The following DNM3 variants were observed in gnomAD, a reference collection of about 807,000 sequenced individuals.
DNM3 encodes dynamin-3.
Under a neutral mutation model 101.6 loss-of-function variants are expected in DNM3, and 47 were observed. The observed-to-expected ratio is 0.46, with a 90% CI of 0.37 to 0.59. The LOEUF is 0.59. Ranked by LOEUF, DNM3 falls within the 20% of genes least tolerant of loss-of-function variation. The pLI is 0.00. For synonymous variants in DNM3, 385 were observed against 387.9 expected, an observed-to-expected ratio of 0.99 and a Z score of 0.09; for missense variants, 849 against 1,085.7, an observed-to-expected ratio of 0.78 and a Z score of 3.06.
chr1:172,225,134 CTTTTTTTTTTTTTT>C (rs1168334078), intron 14 of DNM3, among the ~76,000 whole-genome samples: 1 of 65,520 alleles, frequency 1.5e-5, no homozygotes, highest in Non-Finnish European at 2.7e-5. Context: ...TCTTCTTCCT[CTTTTTTTTTTTTTT>C]TTTTTTTTTT....
chr1:172,346,064 A>G (rs1377248628), intron 17 of DNM3, among the ~76,000 whole-genome samples: 1 of 146,942 alleles, frequency 6.8e-6, no homozygotes, highest in East Asian at 2.0e-4. Flanking sequence ...CGGAGCTTGC[A>G]GTGAGCCGAG....
At chr1:172,404,634 A>G (rs2070749104) in intron 20 of DNM3, among the ~76,000 whole-genome samples, 1 of 152,080 alleles carries the variant, frequency 6.6e-6, no homozygotes, top group South Asian at 2.1e-4. Flanking sequence ...CCATCATTTA[A>G]GTTCCAATTT....
intron 20 of DNM3, among the ~76,000 whole-genome samples, chr1:172,392,136 G>A (rs2069577933): frequency 6.6e-6 from 1 of 152,152 alleles, no homozygotes; most frequent in Non-Finnish European, 1.5e-5. Flanking sequence ...GCTTTTCTCA[G>A]CTGCTCAAGC....
chr1:171,965,876 G>A (rs1027870473), intron 2 of DNM3, among the ~76,000 whole-genome samples: 1 of 152,142 alleles, frequency 6.6e-6, no homozygotes, highest in African/African-American at 2.4e-5. Context: ...TTCTAGTCAT[G>A]TAGTTGGATT....
chr1:171,923,491 C>G (rs2125329862), intron 2 of DNM3, among the ~76,000 whole-genome samples: 1 of 151,588 alleles, frequency 6.6e-6, no homozygotes, highest in South Asian at 2.1e-4. Flanking sequence ...CTTTGAAGCA[C>G]AAGATTTTTT....
intron 14 of DNM3, among the ~76,000 whole-genome samples, chr1:172,148,891 C>G (rs2148216600): frequency 1.3e-5 from 2 of 152,146 alleles, no homozygotes; most frequent in East Asian, 3.9e-4. Flanking sequence ...CTTCCCTTTC[C>G]TGAATCACAA....
intron 16 of DNM3, among the ~76,000 whole-genome samples, chr1:172,318,014 C>A (rs930048536): frequency 2.6e-5 from 4 of 152,182 alleles, no homozygotes; most frequent in Admixed American, 2.0e-4. Flanking sequence ...CTGAATCCAG[C>A]AGCACATCAA....
intron 13 of DNM3, among the ~76,000 whole-genome samples, chr1:172,118,311 C>T (rs1271075416): frequency 6.6e-6 from 1 of 152,094 alleles, no homozygotes; most frequent in Non-Finnish European, 1.5e-5. Flanking sequence ...TACTCTTTTT[C>T]AGAGGTATGA....
intron 13 of DNM3, among the ~76,000 whole-genome samples, chr1:172,130,778 G>C (rs556175458): frequency 2.0e-5 from 3 of 152,126 alleles, no homozygotes; most frequent in African/African-American, 7.2e-5. Flanking sequence ...CAAACAAATG[G>C]GCCAGTAGGC....
At chr1:171,874,063 T>G (rs1167903719) in intron 1 of DNM3, among the ~76,000 whole-genome samples, 1 of 152,230 alleles carries the variant, frequency 6.6e-6, no homozygotes, top group African/African-American at 2.4e-5. Flanking sequence ...AGTTCTTTCC[T>G]TGAAACTCAT....
chr1:172,350,889 T>A (rs1435491064), intron 17 of DNM3, among the ~76,000 whole-genome samples: 15 of 152,146 alleles, frequency 9.9e-5, no homozygotes, highest in Non-Finnish European at 1.5e-5. Context: ...AATAGAATTA[T>A]CCAAAATGGA....
intron 17 of DNM3, among the ~76,000 whole-genome samples, chr1:172,360,659 T>A (rs531983437): frequency 6.6e-6 from 1 of 152,140 alleles, no homozygotes; most frequent in South Asian, 2.1e-4. Flanking sequence ...AGCTCCCCTC[T>A]GGATCATGCA....
intron 1 of DNM3, among the ~76,000 whole-genome samples, chr1:171,856,977 G>A (rs1336260743): frequency 6.6e-6 from 1 of 152,208 alleles, no homozygotes; most frequent in African/African-American, 2.4e-5. Flanking sequence ...AGATCGAGAT[G>A]AAGCCAGACG....
chr1:172,400,369 A>G (rs1224316193), intron 20 of DNM3, among the ~76,000 whole-genome samples: 2 of 152,024 alleles, frequency 1.3e-5, no homozygotes, highest in Admixed American at 6.6e-5. Context: ...AGGTCTCTTT[A>G]GGAATAAGAG....
chr1:172,122,465 A>G (rs942128640), intron 13 of DNM3, among the ~76,000 whole-genome samples: 3 of 152,172 alleles, frequency 2.0e-5, no homozygotes, highest in Non-Finnish European at 4.4e-5. Context: ...CCAGGCAGCA[A>G]CTATTGAAAC....
chr1:172,289,989 C>T, intron 15 of DNM3: 2 of 914,488 alleles, frequency 2.2e-6, no homozygotes, highest in Non-Finnish European at 1.3e-6. Context: ...ATATTATTGA[C>T]ATCATAGGTT....
chr1:172,323,217 C>CATG, intron 16 of DNM3, 112 bp from the exon 17 acceptor site: 1 of 1,183,572 alleles, frequency 8.4e-7, no homozygotes, highest in Non-Finnish European at 1.2e-6. Flanking sequence ...AGAAAAACCT[C>CATG]ATTTTATTTT....
At chr1:172,316,511 A>T (rs2065365097) in intron 16 of DNM3, among the ~76,000 whole-genome samples, 1 of 152,174 alleles carries the variant, frequency 6.6e-6, no homozygotes, top group Admixed American at 6.5e-5. Context: ...GTGCAGAGAC[A>T]CACATAGGCT....
intron 17 of DNM3, among the ~76,000 whole-genome samples, chr1:172,333,409 C>T (rs911442207): frequency 2.6e-5 from 4 of 152,060 alleles, no homozygotes; most frequent in African/African-American, 9.7e-5. Flanking sequence ...TGCATCGAAG[C>T]CGTACACCTG....
Sources: gnomAD v4.1 joint callset for allele counts (sites outside exome capture counted in the v4.1 genomes callset) on GRCh38, gnomAD v4.1.1 for gene constraint, MANE v1.5 for transcripts, NCBI Gene and HGNC (gene_info 2026-07-23, HGNC 2026-07-21) for gene names.